The following TFCP2 variants were observed in gnomAD, a reference collection of about 807,000 sequenced individuals.
TFCP2 encodes the protein alpha-globin transcription factor CP2.
A neutral mutation model predicts 73.4 loss-of-function variants in TFCP2; 33 were observed. That is an observed-to-expected ratio of 0.45 (90% CI 0.34 to 0.60). TFCP2 has a LOEUF of 0.60. Ranked by LOEUF, TFCP2 falls within the 20% of genes least tolerant of loss-of-function variation. The pLI is 0.01. For missense variants in TFCP2, 352 were observed against 604.0 expected (o/e 0.58, Z 4.37); for synonymous variants, 193 against 211.6 (o/e 0.91, Z 0.76).
intron 1 of TFCP2, among the ~76,000 whole-genome samples, chr12:51,158,639 C>T (rs1165358718): frequency 4.0e-5 from 6 of 150,862 alleles, no homozygotes; most frequent in Non-Finnish European, 8.9e-5. Context: ...CAGGCATGAG[C>T]CACCATGCCC....
At position 51,157,135 on chromosome 12, in the gene TFCP2, C is replaced by T. The variant is rs184410184; in HGVS notation, c.122+15166G>A. Among the ~76,000 whole-genome samples, 198 of 152,096 alleles carry T rather than the reference C, an allele frequency of 1.3e-3. 1 individual carries two copies. The highest frequency in any genetic ancestry group is 4.6e-3 in the African/African-American group (191 of 41,492). The stretch of plus-strand genomic sequence containing the variant: ...GGTTCAAGTGATTCTCCTGCCTCAG[C>T]CTCCTAAGTAGCTAGGATTACAGGC... On this transcript the variant is annotated intron_variant, in intron 1 of 14. Transcript: ENST00000257915.
intron 1 of TFCP2, among the ~76,000 whole-genome samples, chr12:51,132,677 T>C (rs528744646): frequency 6.6e-6 from 1 of 152,136 alleles, no homozygotes; most frequent in South Asian, 2.1e-4. Flanking sequence ...CCGGGTCTAG[T>C]CTTTAAGAAG....
Position 51,117,763 on chromosome 12 carries a change from A to C in TFCP2, c.275-16T>G. 1 of 1,560,232 alleles carries C rather than the reference A, an allele frequency of 6.4e-7. No homozygotes were observed. Among genetic ancestry groups the C allele is most frequent in the Admixed American group, 1.7e-5 (1 of 58,134 alleles). On this transcript the variant is annotated splice_polypyrimidine_tract_variant and intron_variant, in intron 2 of 14. Coordinates refer to ENST00000257915, the MANE Select transcript of TFCP2 (RefSeq NM_005653.5). ...TAAGACTGTCCTAGAAGAAAAAGTA[A>C]TTACATATTATATTCACCACAAATT... is the stretch of plus-strand genomic sequence containing the variant.
chr12:51,117,629 T>G, intron 3 of TFCP2, 42 bp downstream of exon 3: 1 of 1,458,302 alleles, frequency 6.9e-7, no homozygotes, highest in Non-Finnish European at 9.5e-7. Flanking sequence ...CCAAAAGGAT[T>G]AGTAAAAAAT....
intron 1 of TFCP2, among the ~76,000 whole-genome samples, chr12:51,158,078 T>C (rs1490097710): frequency 1.3e-5 from 2 of 152,144 alleles, no homozygotes; most frequent in African/African-American, 4.8e-5. Context: ...CATAGCTCAC[T>C]GCAGCCTCAA....
chr12:51,097,612 G>A (rs1437175406), intron 13 of TFCP2, among the ~76,000 whole-genome samples: 2 of 151,982 alleles, frequency 1.3e-5, no homozygotes, highest in Non-Finnish European at 2.9e-5. Flanking sequence ...TTAATCAATT[G>A]TATAATTATG....
chr12:51,160,876 C>T (rs1941633058), intron 1 of TFCP2, among the ~76,000 whole-genome samples: 1 of 152,198 alleles, frequency 6.6e-6, no homozygotes, highest in Non-Finnish European at 1.5e-5. Context: ...GCAGTTTCTG[C>T]TGCAGCTTGC....
chr12:51,160,281 G>A (rs140190901), intron 1 of TFCP2, among the ~76,000 whole-genome samples: 8,019 of 151,966 alleles, frequency 0.053, 683 homozygotes, highest in African/African-American at 0.18. Context: ...GATTACAGGT[G>A]CCCACCACCA....
intron 10 of TFCP2, among the ~76,000 whole-genome samples, chr12:51,102,826 T>G (rs1046911698): frequency 6.6e-6 from 1 of 152,114 alleles, no homozygotes; most frequent in African/African-American, 2.4e-5. Flanking sequence ...TCAGAACACT[T>G]ATCTACAAAA....
chr12:51,105,197 G>C (rs1031037023), intron 8 of TFCP2, among the ~76,000 whole-genome samples: 30 of 150,108 alleles, frequency 2.0e-4, no homozygotes, highest in Non-Finnish European at 3.7e-4. Context: ...GGTTTCAAGC[G>C]ATTCTCCTGC....
At chr12:51,161,779 AAAAAG>A (rs1941655729) in intron 1 of TFCP2, among the ~76,000 whole-genome samples, 1 of 148,694 alleles carries the variant, frequency 6.7e-6, no homozygotes, top group Non-Finnish European at 1.5e-5. Flanking sequence ...AAAAAAAAAA[AAAAAG>A]AAATTGACAG....
intron 4 of TFCP2, among the ~76,000 whole-genome samples, chr12:51,114,099 C>T (rs958753921): frequency 2.0e-5 from 3 of 152,032 alleles, no homozygotes; most frequent in African/African-American, 7.2e-5. Context: ...ATTGGACCAC[C>T]TCAATGTAAA....
intron 7 of TFCP2, chr12:51,106,880 AG>A (rs1292178363): frequency 2.2e-5 from 11 of 494,006 alleles, no homozygotes; most frequent in Middle Eastern, 5.7e-4. Flanking sequence ...CCAGAACCAA[AG>A]GCAGCACACA....
intron 5 of TFCP2, among the ~76,000 whole-genome samples, chr12:51,110,571 C>A (rs562697905): frequency 6.6e-6 from 1 of 151,872 alleles, no homozygotes; most frequent in South Asian, 2.1e-4. Flanking sequence ...ACTGTCCCCC[C>A]CCAAAAAAAT....
chr12:51,141,635 C>A (rs930330924), intron 1 of TFCP2, among the ~76,000 whole-genome samples: 4 of 151,778 alleles, frequency 2.6e-5, no homozygotes, highest in Admixed American at 2.0e-4. Context: ...CAGGGTGGCT[C>A]ACACTTGTAA....
Position 51,124,742 on chromosome 12 carries a change from G to A in TFCP2, c.123-5970C>T, listed in dbSNP as rs752320048. On this transcript the variant is annotated intron_variant, in intron 1 of 14. Coordinates refer to ENST00000257915, the MANE Select transcript of TFCP2 (RefSeq NM_005653.5). ...TTGCCTTGGAGTCGCCCTCAGCAGAGATCACGGCTGCCTTTTTCTGCTGCT... is the reference window on the plus strand; with the variant it reads ...TTGCCTTGGAGTCGCCCTCAGCAGAAATCACGGCTGCCTTTTTCTGCTGCT... The A allele has an allele frequency of 1.1e-5, 8 of 731,438 alleles. No homozygotes were observed. In the East Asian group the frequency reaches 1.9e-4, roughly 17 times the overall value. The allele number at this position is 731,438 out of a possible 1,614,324, so 45.3% of individuals were successfully genotyped here. A position where few individuals can be genotyped will look rare whatever the true frequency, so the allele number is the denominator to read the frequency against.
At chr12:51,102,596 G>A (rs1473962777) in intron 10 of TFCP2, among the ~76,000 whole-genome samples, 7 of 151,848 alleles carry the variant, frequency 4.6e-5, no homozygotes, top group African/African-American at 1.7e-4. Context: ...TGTGGTGGTG[G>A]GTGCCTGTAA....
chr12:51,165,793 T>C (rs1398274014), intron 1 of TFCP2, among the ~76,000 whole-genome samples: 1 of 152,196 alleles, frequency 6.6e-6, no homozygotes, highest in African/African-American at 2.4e-5. Flanking sequence ...AACACACACA[T>C]ACACACATAT....
intron 1 of TFCP2, among the ~76,000 whole-genome samples, chr12:51,167,731 T>C (rs1941783637): frequency 6.6e-6 from 1 of 152,088 alleles, no homozygotes; most frequent in African/African-American, 2.4e-5. Flanking sequence ...AGATTATTGC[T>C]GGAGGGTGGC....
Sources: allele counts gnomAD v4.1 joint callset (sites outside exome capture counted in the v4.1 genomes callset), GRCh38; gene constraint gnomAD v4.1.1; transcripts MANE v1.5; gene names NCBI Gene and HGNC (gene_info 2026-07-23, HGNC 2026-07-21).